The following MUC5AC variants were observed in gnomAD, a reference collection of about 807,000 sequenced individuals.
MUC5AC encodes mucin-5AC.
In MUC5AC, 158 loss-of-function variants were observed where a neutral mutation model predicts 169.7. The ratio of observed to expected loss-of-function variants is 0.93; its 90% confidence interval spans 0.82 to 1.06. MUC5AC has a LOEUF of 1.06. MUC5AC is among the 50% of genes least tolerant of loss of function. MUC5AC has a pLI of 0.00. For missense variants in MUC5AC, 4,359 were observed against 3,089.9 expected, an observed-to-expected ratio of 1.41 and a Z score of -9.74; for synonymous variants, 1,975 against 1,237.0, an observed-to-expected ratio of 1.60 and a Z score of -12.52.
chr11:1,176,966 C>T lies in MUC5AC; in HGVS notation c.2693C>T (p.Pro898Leu), dbSNP rs1860701709. Residue 898 changes from proline to leucine, a missense_variant, in exon 22 of 49, where the codon CCC becomes CTC. By Grantham distance (98) the Pro-to-Leu change is moderately conservative (BLOSUM62 -3). Coordinates refer to ENST00000621226, the MANE Select transcript of MUC5AC (RefSeq NM_001304359.2). ...AGGATGTGGCGGTGCACAGATGACC[C>T]CTGCCTGGCCACCTGCGCCGTGTAC... is the stretch of plus-strand genomic sequence containing the variant. ...DSRMWRCTDD[P>L]CLATCAVYGD... 5.0e-6 allele frequency: 2 copies of T among 399,262 alleles called. No individual in the cohort carries two copies. The highest frequency in any genetic ancestry group is 2.5e-4 in the South Asian group (2 of 7,892). The allele number at this position is 399,262 out of a possible 1,614,324, so 24.7% of individuals were successfully genotyped here. A position where few individuals can be genotyped will look rare whatever the true frequency, so the allele number is the denominator to read the frequency against.
Position 1,186,611 on chromosome 11 carries a change from G to A in MUC5AC, c.8466G>A (p.Ser2822=), listed in dbSNP as rs1463715781. Residue 2822 remains serine (S), a synonymous_variant, in exon 31 of 49, where the codon TCG becomes TCA. Transcript: ENST00000621226. ...CCACACCACAGACCAGCACAACTTC[G>A]GCTCCTACAACCAGCACAACTTCTG... The part of the protein sequence containing the change: ...TTSTPQTSTT[S]APTTSTTSGP... 2.5e-5 allele frequency: 17 copies of A among 685,652 alleles called. No individual in the cohort carries two copies. The highest frequency in any genetic ancestry group is 1.6e-4 in the East Asian group (6 of 36,848). 42.5% of individuals were successfully genotyped at this position (685,652 alleles called of 1,614,324 possible).
At chr11:1,165,199 G>A (rs1037043704) in intron 9 of MUC5AC, 103 bp from the exon 10 acceptor site, 7 of 1,114,210 alleles carry the variant, frequency 6.3e-6, no homozygotes, top group Non-Finnish European at 9.0e-6. Flanking sequence ...CCCTGGAGCT[G>A]GCTGAGGCCC....
Position 1,191,570 on chromosome 11 carries a change from T to G in MUC5AC, c.13425T>G (p.Ser4475=). Residue 4475 remains serine (S), a synonymous_variant, in exon 31 of 49, where the codon TCT becomes TCG. Transcript: ENST00000621226. The part of the protein sequence containing the change: ...TTSAPITSMT[S]GPGTTPSPVP... ...CTGCTCCTATAACCAGCATGACCTC[T>G]GGTCCTGGAACTACTCCCAGCCCTG... is the stretch of plus-strand genomic sequence containing the variant. 1.3e-6 allele frequency: 1 copy of G among 754,742 alleles called. No individual in the cohort carries two copies. Among genetic ancestry groups the G allele is most frequent in the Non-Finnish European group, 2.4e-6 (1 of 413,612 alleles). The allele number at this position is 754,742 out of a possible 1,614,324, so 46.8% of individuals were successfully genotyped here.
chr11:1,198,345 C>A (rs376629803), intron 43 of MUC5AC, 40 bp downstream of exon 43: 1 of 726,060 alleles, frequency 1.4e-6, no homozygotes, highest in Non-Finnish European at 2.5e-6. Flanking sequence ...GCCATAGGGA[C>A]GGAGCTTCCC....
At chr11:1,163,555 A>AG (rs1860208509) in intron 6 of MUC5AC, among the ~76,000 whole-genome samples, 1 of 152,084 alleles carries the variant, frequency 6.6e-6, no homozygotes, top group Non-Finnish European at 1.5e-5. Context: ...GTGGACTGGG[A>AG]GGTGTTCAGG....
intron 11 of MUC5AC, 112 bp downstream of exon 11, chr11:1,165,872 G>A (rs1860309403): frequency 2.7e-6 from 4 of 1,486,640 alleles, no homozygotes; most frequent in Non-Finnish European, 2.7e-6. Context: ...GTCACCCTTG[G>A]GGGTCCCCGA....
chr11:1,182,030 G>A (rs1422671937), intron 30 of MUC5AC, 125 bp from the exon 31 acceptor site: 5 of 398,060 alleles, frequency 1.3e-5, no homozygotes, highest in Admixed American at 4.4e-5. Flanking sequence ...AGCAGGGACC[G>A]CGGGTGGGGA....
rs749003300 is a variant in MUC5AC, at chr11:1,165,615, C to T, written c.1248-7C>T. 5 of 1,611,670 alleles carry T rather than the reference C, an allele frequency of 3.1e-6. No individual in the cohort carries two copies. Among genetic ancestry groups the T allele is most frequent in the Non-Finnish European group, 4.2e-6 (5 of 1,179,672 alleles). ...GGCACCCACGTGGCACCATCTCTTG[C>T]TCTCAGCACCTGCTCCGGAGGCCGG... is the stretch of plus-strand genomic sequence containing the variant. On this transcript the variant is annotated splice_region_variant and splice_polypyrimidine_tract_variant and intron_variant, in intron 10 of 48. Transcript: ENST00000621226.
Position 1,187,591 on chromosome 11 carries a change from C to A in MUC5AC, c.9446C>A (p.Thr3149Asn). ...STTSASTASK[T>N]SGPGTTPSPV... is the part of the protein sequence containing the mutation. Reference sequence around the variant, plus strand: ...ACTTCTGCCTCTACAGCCAGCAAAACCTCTGGTCCTGGAACCACTCCCAGC... The same window carrying A: ...ACTTCTGCCTCTACAGCCAGCAAAAACTCTGGTCCTGGAACCACTCCCAGC... The change falls in exon 31 of 49, where the codon ACC (threonine) becomes AAC (asparagine). Residue 3149 changes from threonine (T) to asparagine (N), a missense_variant. Transcript: ENST00000621226. The A allele has an allele frequency of 1.3e-6, 1 of 759,942 alleles. No homozygotes were observed. The highest frequency in any genetic ancestry group is 2.4e-5 in the East Asian group (1 of 41,080). 47.1% of individuals were successfully genotyped at this position (759,942 alleles called of 1,614,324 possible). A position where few individuals can be genotyped will look rare whatever the true frequency, so the allele number is the denominator to read the frequency against.
rs1487727795 is a variant in MUC5AC, at chr11:1,187,883, G to A, written c.9738G>A (p.Lys3246=). Reference sequence around the variant, plus strand: ...CCCCTGGACCCCACGGCGGGGACAAGGAAACCTACAACAACATCATCAGGA... The same window carrying A: ...CCCCTGGACCCCACGGCGGGGACAAAGAAACCTACAACAACATCATCAGGA... The part of the protein sequence containing the change: ...FPSPGPHGGD[K]ETYNNIIRSG... The change falls in exon 31 of 49, where the codon AAG becomes AAA. Residue 3246 remains lysine, a synonymous_variant. Coordinates refer to ENST00000621226, the MANE Select transcript of MUC5AC (RefSeq NM_001304359.2). 2.8e-5 allele frequency: 21 copies of A among 761,606 alleles called. No homozygotes were observed. Among genetic ancestry groups the A allele is most frequent in the Admixed American group, 2.4e-4 (14 of 58,904 alleles). The allele number at this position is 761,606 out of a possible 1,614,324, so 47.2% of individuals were successfully genotyped here. A position where few individuals can be genotyped will look rare whatever the true frequency, so the allele number is the denominator to read the frequency against.
Position 1,179,227 on chromosome 11 carries a change from TGG to T in MUC5AC, c.3464_3465del (p.Trp1155SerfsTer63). 1 of 614,880 alleles carries T rather than the reference TGG, an allele frequency of 1.6e-6. No homozygotes were observed. Among genetic ancestry groups the T allele is most frequent in the Non-Finnish European group, 2.9e-6 (1 of 339,580 alleles). 38.1% of individuals were successfully genotyped at this position (614,880 alleles called of 1,614,324 possible). A position where few individuals can be genotyped will look rare whatever the true frequency, so the allele number is the denominator to read the frequency against. ...ACHEVGLCVSWRTPSICPLFC... is the reference protein window; with the variant it reads ...ACHEVGLCVSXRTPSICPLFC... Reference sequence around the variant, plus strand: ...CCATGAAGTAGGCCTGTGTGTGTCCTGGCGGACCCCGAGCATCTGCCGTGAGT... The same window carrying T: ...CCATGAAGTAGGCCTGTGTGTGTCCTCGGACCCCGAGCATCTGCCGTGAGT... On this transcript the variant is annotated frameshift_variant, in exon 26 of 49. Coordinates refer to ENST00000621226, the MANE Select transcript of MUC5AC (RefSeq NM_001304359.2). LOFTEE classifies it high-confidence loss of function.
At position 1,195,731 on chromosome 11, in the gene MUC5AC, C is replaced by T. The variant is rs191472248; in HGVS notation, c.15459-145C>T. Reference sequence around the variant, plus strand: ...ACAGAATGTGTGGAAGGAGCCCGTCCGGGGATACAGGAGGGCGGCCACACA... The same window carrying T: ...ACAGAATGTGTGGAAGGAGCCCGTCTGGGGATACAGGAGGGCGGCCACACA... On this transcript the variant is annotated intron_variant, in intron 36 of 48. Coordinates refer to ENST00000621226, the MANE Select transcript of MUC5AC (RefSeq NM_001304359.2). The T allele has an allele frequency of 1.3e-3, 458 of 345,786 alleles. 1 individual carries two copies. Among genetic ancestry groups the T allele is most frequent in the East Asian group, 0.013 (181 of 14,474 alleles). The allele number at this position is 345,786 out of a possible 1,614,324, so 21.4% of individuals were successfully genotyped here.
rs1448347627 is a variant in MUC5AC at position 1,180,080 on chromosome 11, C to T, written c.3543C>T (p.Cys1181=). ...AGTGCGAGTGGCACTACCAGCCCTG[C>T]GGGGTGCCCTGCCTGCGCACCTGCC... is the stretch of plus-strand genomic sequence containing the variant. ...EGQCEWHYQP[C]GVPCLRTCRN... The change falls in exon 27 of 49, where the codon TGC becomes TGT. Residue 1181 remains cysteine (C), a synonymous_variant. Transcript: ENST00000621226. 29 of 398,980 alleles carry T rather than the reference C, an allele frequency of 7.3e-5. No homozygotes were observed. The Admixed American group carries it at 7.5e-4, about 10-fold the overall frequency. 24.7% of individuals were successfully genotyped at this position (398,980 alleles called of 1,614,324 possible).
At position 1,165,667 on chromosome 11, in the gene MUC5AC, G is replaced by A. The variant is rs751878587; in HGVS notation, c.1293G>A (p.Pro431=). The part of the protein sequence containing the change: ...GRWSCQEVPC[P]GTCSVLGGAH... ...GGAGCTGCCAGGAGGTTCCATGCCC[G>A]GGTACCTGCTCTGTGCTTGGAGGTG... Residue 431 remains proline (P), a synonymous_variant, in exon 11 of 49, where the codon CCG becomes CCA. Transcript: ENST00000621226. 64 of 1,612,326 alleles carry A rather than the reference G, an allele frequency of 4.0e-5. No individual in the cohort carries two copies. The highest frequency in any genetic ancestry group is 2.2e-5 in the South Asian group (2 of 91,092).
chr11:1,177,700 G>A (rs1400290501), intron 24 of MUC5AC, 67 bp downstream of exon 24: 1 of 398,360 alleles, frequency 2.5e-6, no homozygotes, highest in African/African-American at 2.1e-5. Flanking sequence ...CGTGGAACAG[G>A]TGGGCAGAGA....
At position 1,163,969 on chromosome 11, in the gene MUC5AC, C is replaced by T. The variant is rs533386243; in HGVS notation, c.767C>T (p.Pro256Leu). ...TGTCAGGACCCTGTCCCTGAACCCC[C>T]GAGGAACTGCTCCACTGGCTTTGTA... ...DQCQDPVPEP[P>L]RNCSTGFGIC... The change falls in exon 7 of 49, where the codon CCG (proline) becomes CTG (leucine). Residue 256 changes from proline to leucine, a missense_variant. Transcript: ENST00000621226. The T allele has an allele frequency of 2.9e-5, 46 of 1,610,920 alleles. No individual in the cohort carries two copies. Among genetic ancestry groups the T allele is most frequent in the South Asian group, 2.0e-4 (18 of 90,728 alleles).
chr11:1,186,820 C>T lies in MUC5AC; in HGVS notation c.8675C>T (p.Thr2892Ile). ...CCCAGCCCTGTTCCCACCACCAGTA[C>T]AACCTCTGCTCCTACAACCAGAACA... ...TTPSPVPTTSTTSAPTTRTTS... is the reference protein window; with the variant it reads ...TTPSPVPTTSITSAPTTRTTS... Residue 2892 changes from threonine to isoleucine, a missense_variant, in exon 31 of 49, where the codon ACA becomes ATA. By Grantham distance (89) the Thr-to-Ile change is moderately conservative (BLOSUM62 -1). Transcript: ENST00000621226. 1 of 740,286 alleles carries T rather than the reference C, an allele frequency of 1.4e-6. No homozygotes were observed. Among genetic ancestry groups the T allele is most frequent in the Non-Finnish European group, 2.5e-6 (1 of 405,286 alleles). The allele number at this position is 740,286 out of a possible 1,614,324, so 45.9% of individuals were successfully genotyped here.
chr11:1,190,992 T>A lies in MUC5AC; in HGVS notation c.12847T>A (p.Ser4283Thr). ...CTCTGCTCCTACAACCAGAACAACA[T>A]CTGCTCCTACAAGCAGCATGACCTC... ...TTSAPTTRTTSAPTSSMTSGP... is the reference protein window; with the variant it reads ...TTSAPTTRTTTAPTSSMTSGP... The change falls in exon 31 of 49, where the codon TCT (serine) becomes ACT (threonine). Residue 4283 changes from serine (S) to threonine (T), a missense_variant. Transcript: ENST00000621226. The A allele has an allele frequency of 5.3e-6, 4 of 747,740 alleles. No homozygotes were observed. 46.3% of individuals were successfully genotyped at this position (747,740 alleles called of 1,614,324 possible). A position where few individuals can be genotyped will look rare whatever the true frequency, so the allele number is the denominator to read the frequency against.
At chr11:1,179,445 A>T (rs1020731801) in intron 26 of MUC5AC, among the ~76,000 whole-genome samples, 197 bp downstream of exon 26, 22,033 of 149,880 alleles carry the variant, frequency 0.15, 1,471 homozygotes, top group Non-Finnish European at 0.19. Context: ...CAGAGGGGTC[A>T]GCAGAGCTGC....
Sources: allele counts gnomAD v4.1 joint callset (sites outside exome capture counted in the v4.1 genomes callset), GRCh38; gene constraint gnomAD v4.1.1; transcripts MANE v1.5; gene names NCBI Gene and HGNC (gene_info 2026-07-23, HGNC 2026-07-21).